CADM2: variants seen among roughly 807,000 people sequenced by gnomAD.
The protein encoded by CADM2 is immunoglobulin superfamily member 4D.
A neutral mutation model predicts 49.8 loss-of-function variants in CADM2; 12 were observed. The observed-to-expected ratio is 0.24, with a 90% CI of 0.15 to 0.39. CADM2 has a LOEUF of 0.39. Among genes scored for constraint, CADM2 ranks in the 10% least tolerant of loss-of-function variants. CADM2 has a pLI of 1.00. For missense variants in CADM2, 378 were observed against 492.3 expected (o/e 0.77, Z 2.20); for synonymous variants, 214 against 175.4 (o/e 1.22, Z -1.74).
At chr3:85,419,248 G>A (rs1034055336) in intron 1 of CADM2, among the ~76,000 whole-genome samples, 3 of 152,236 alleles carry the variant, frequency 2.0e-5, no homozygotes, top group South Asian at 2.1e-4. Context: ...GAGGTCAGGA[G>A]ATCAAGACCA....
chr3:85,853,178 G>A (rs1282901875), intron 3 of CADM2, among the ~76,000 whole-genome samples: 1 of 151,840 alleles, frequency 6.6e-6, no homozygotes, highest in Non-Finnish European at 1.5e-5. Context: ...AGTTCTAGAT[G>A]ACTGAGCAGC....
intron 1 of CADM2, among the ~76,000 whole-genome samples, chr3:85,100,438 A>G (rs547772327): frequency 6.6e-6 from 1 of 152,294 alleles, no homozygotes; most frequent in East Asian, 1.9e-4. Context: ...AACATGCCTT[A>G]TCTATCCTAA....
intron 8 of CADM2, chr3:85,993,364 T>C (rs1425939952): frequency 6.6e-6 from 1 of 152,210 alleles, no homozygotes; most frequent in Non-Finnish European, 1.5e-5. Context: ...CTTATAGTTA[T>C]CTTGCTATTT....
chr3:85,962,866 G>A (rs1385967883), intron 8 of CADM2, among the ~76,000 whole-genome samples: 1 of 151,808 alleles, frequency 6.6e-6, no homozygotes, highest in Non-Finnish European at 1.5e-5. Flanking sequence ...CATAAATCGT[G>A]GATCTTAGAA....
intron 2 of CADM2, among the ~76,000 whole-genome samples, chr3:85,761,134 C>T (rs2069350854): frequency 6.6e-6 from 1 of 152,216 alleles, no homozygotes; most frequent in Non-Finnish European, 1.5e-5. Flanking sequence ...TCTACCAAAA[C>T]TGTGCCTTAC....
intron 1 of CADM2, among the ~76,000 whole-genome samples, chr3:85,598,875 A>T (rs1173523131): frequency 6.6e-6 from 1 of 151,476 alleles, no homozygotes; most frequent in African/African-American, 2.4e-5. Flanking sequence ...ATATATATAG[A>T]TTTATTATAC....
chr3:85,537,756 G>GA (rs372770917), intron 1 of CADM2, among the ~76,000 whole-genome samples: 2,581 of 149,384 alleles, frequency 0.017, 53 homozygotes, highest in South Asian at 0.056. Flanking sequence ...GATTCTGTGG[G>GA]AAAAAAAAAT....
chr3:84,976,015 T>C (rs1295946511), intron 1 of CADM2, among the ~76,000 whole-genome samples: 7 of 151,832 alleles, frequency 4.6e-5, no homozygotes, highest in South Asian at 4.1e-4. Context: ...CTAAGGAGAA[T>C]TGGGTAATTC....
At chr3:85,282,733 C>G (rs1354949751) in intron 1 of CADM2, among the ~76,000 whole-genome samples, 3 of 151,908 alleles carry the variant, frequency 2.0e-5, no homozygotes, top group African/African-American at 7.3e-5. Flanking sequence ...TTATTTCATT[C>G]TGCATATTTC....
chr3:85,872,863 C>G (rs1376984258), intron 3 of CADM2, among the ~76,000 whole-genome samples: 3 of 151,828 alleles, frequency 2.0e-5, no homozygotes, highest in African/African-American at 7.3e-5. Flanking sequence ...CTTTTTTGTG[C>G]CTTTTGCTAA....
At chr3:85,818,188 A>C in intron 3 of CADM2, among the ~76,000 whole-genome samples, 1 of 152,080 alleles carries the variant, frequency 6.6e-6, no homozygotes, top group East Asian at 1.9e-4. Flanking sequence ...TAATTTGGAG[A>C]TTCAATGGCT....
chr3:85,009,587 C>T (rs1463787969), intron 1 of CADM2, among the ~76,000 whole-genome samples: 3 of 151,842 alleles, frequency 2.0e-5, no homozygotes, highest in East Asian at 1.9e-4. Context: ...GTAGTTTGGC[C>T]GAGCTCAGTG....
intron 1 of CADM2, among the ~76,000 whole-genome samples, chr3:85,299,893 A>G (rs904247172): frequency 2.6e-5 from 4 of 152,082 alleles, no homozygotes; most frequent in Admixed American, 2.6e-4. Flanking sequence ...CTGAGGTAAA[A>G]GTATTTTTTT....
intron 1 of CADM2, among the ~76,000 whole-genome samples, chr3:85,082,352 A>C (rs2037196746): frequency 6.6e-6 from 1 of 152,184 alleles, no homozygotes; most frequent in African/African-American, 2.4e-5. Context: ...TATACTTTAC[A>C]AAGAGCTTGA....
intron 1 of CADM2, among the ~76,000 whole-genome samples, chr3:85,219,784 C>T (rs566836175): frequency 3.9e-5 from 6 of 152,128 alleles, no homozygotes; most frequent in African/African-American, 1.2e-4. Flanking sequence ...TTGAAAAAAA[C>T]ATTGTTCACT....
intron 1 of CADM2, among the ~76,000 whole-genome samples, chr3:84,985,066 G>A (rs1330331281): frequency 8.5e-5 from 13 of 152,088 alleles, no homozygotes; most frequent in African/African-American, 3.1e-4. Context: ...TTTTTGGTAC[G>A]TGGGTTTATG....
At chr3:85,636,040 ATGTTACCAGCTTATGTATTT>A in intron 1 of CADM2, among the ~76,000 whole-genome samples, 1 of 152,338 alleles carries the variant, frequency 6.6e-6, no homozygotes, top group African/African-American at 2.4e-5. Flanking sequence ...ATACAAGGCT[ATGTTACCAGCTTATGTATTT>A]ACTACAATTT....
At chr3:85,829,762 A>T (rs184500011) in intron 3 of CADM2, among the ~76,000 whole-genome samples, 3 of 151,998 alleles carry the variant, frequency 2.0e-5, no homozygotes, top group African/African-American at 7.2e-5. Flanking sequence ...GTGAGATTAC[A>T]TGGCATTTGC....
At chr3:85,372,270 CAGA>C (rs2033292042) in intron 1 of CADM2, among the ~76,000 whole-genome samples, 1 of 151,354 alleles carries the variant, frequency 6.6e-6, no homozygotes, top group South Asian at 2.1e-4. Flanking sequence ...ACAGTAAAAT[CAGA>C]AGGATTAAGA....
Sources: gnomAD v4.1 joint callset for allele counts (sites outside exome capture counted in the v4.1 genomes callset) on GRCh38, gnomAD v4.1.1 for gene constraint, MANE v1.5 for transcripts, NCBI Gene and HGNC (gene_info 2026-07-23, HGNC 2026-07-21) for gene names.